FBLN7: variants seen among roughly 807,000 people sequenced by gnomAD.
FBLN7 encodes the protein fibulin-7.
In FBLN7, 31 loss-of-function variants were observed where a neutral mutation model predicts 44.0. The observed-to-expected ratio is 0.70, with a 90% CI of 0.53 to 0.95. The LOEUF (loss-of-function observed/expected upper bound fraction) is 0.95, where lower values mean the gene tolerates loss of function less well. Ranked by LOEUF, FBLN7 falls within the 40% of genes least tolerant of loss-of-function variation. The probability of loss-of-function intolerance (pLI) is 0.00; values close to 1 mark genes in which losing one functional copy is unlikely to be tolerated. For missense variants in FBLN7, 573 were observed against 618.5 expected (o/e 0.93, Z 0.78); for synonymous variants, 262 against 253.4 (o/e 1.03, Z -0.32).
intron 2 of FBLN7, among the ~76,000 whole-genome samples, chr2:112,160,716 G>GCACACGCACGCACACGCA (rs1558879769): frequency 1.1e-5 from 1 of 92,896 alleles, no homozygotes; most frequent in African/African-American, 4.4e-5. Context: ...ACACACACAA[G>GCACACGCACGCACACGCA]CACGCGCACA....
chr2:112,222,836 C>T, the FBLN7 span, among the ~76,000 whole-genome samples: 22 of 152,084 alleles, frequency 1.4e-4, no homozygotes, highest in Non-Finnish European at 2.9e-5. Context: ...AAAACATGAG[C>T]TCTGGTAATA....
the FBLN7 span, chr2:112,234,074 G>T: frequency 1.9e-6 from 2 of 1,074,466 alleles, no homozygotes; most frequent in South Asian, 1.6e-5. Flanking sequence ...CAAACAGAAA[G>T]AGCAGTTTTA....
chr2:112,191,198 C>CAA (rs1230018682), downstream of FBLN7, among the ~76,000 whole-genome samples: 1 of 151,962 alleles, frequency 6.6e-6, no homozygotes, highest in African/African-American at 2.4e-5. Context: ...ATTTTTGAGA[C>CAA]AGAGTCCAGC....
chr2:112,194,140 G>A, the FBLN7 span, among the ~76,000 whole-genome samples: 15 of 152,248 alleles, frequency 9.9e-5, no homozygotes, highest in East Asian at 2.9e-3. Context: ...TGTCTGCCTG[G>A]GCTGGGATGA....
chr2:112,146,524 C>T (rs1680905105), intron 1 of FBLN7, among the ~76,000 whole-genome samples: 1 of 149,442 alleles, frequency 6.7e-6, no homozygotes, highest in African/African-American at 2.4e-5. Context: ...TCAACACAAA[C>T]ATGCTGTGTG....
intron 3 of FBLN7, among the ~76,000 whole-genome samples, chr2:112,172,654 G>A (rs1341797429): frequency 2.1e-5 from 2 of 95,448 alleles, no homozygotes; most frequent in Non-Finnish European, 1.9e-5. Flanking sequence ...TTTTTTTTGA[G>A]ACAGAGTCTC....
the FBLN7 span, among the ~76,000 whole-genome samples, chr2:112,194,430 A>G: frequency 4.6e-5 from 7 of 152,180 alleles, no homozygotes; most frequent in African/African-American, 1.2e-4. Flanking sequence ...CAGACTCCCA[A>G]TAAAGCCACC....
intron 3 of FBLN7, among the ~76,000 whole-genome samples, chr2:112,170,957 C>G (rs1573810059): frequency 6.6e-6 from 1 of 152,216 alleles, no homozygotes; most frequent in African/African-American, 2.4e-5. Flanking sequence ...GAAATCAAGG[C>G]TCCCAGGCTC....
the FBLN7 span, among the ~76,000 whole-genome samples, chr2:112,233,070 A>AT: frequency 6.6e-6 from 1 of 152,128 alleles, no homozygotes; most frequent in African/African-American, 2.4e-5. Flanking sequence ...CATTTGAGAG[A>AT]TTTTCTAAAG....
chr2:112,149,963 G>T (rs1312508385), intron 1 of FBLN7, among the ~76,000 whole-genome samples: 1 of 152,226 alleles, frequency 6.6e-6, no homozygotes, highest in Non-Finnish European at 1.5e-5. Flanking sequence ...TCAGCGTGGG[G>T]CTGGGTGCCT....
At chr2:112,230,302 A>C in the FBLN7 span, among the ~76,000 whole-genome samples, 5 of 152,200 alleles carry the variant, frequency 3.3e-5, no homozygotes, top group Non-Finnish European at 7.4e-5. Context: ...TGAGAAAAAA[A>C]CTGATATTAT....
chr2:112,138,937 TGTCCCTCCCGCCTCTCTCCAGGCCAGC>T (rs1680496292), intron 1 of FBLN7, among the ~76,000 whole-genome samples: 6 of 119,452 alleles, frequency 5.0e-5, no homozygotes, highest in East Asian at 5.3e-4. Flanking sequence ...TCCACGCCAG[TGTCCCTCCCGCCTCTCTCCAGGCCAGC>T]GTCCCTCCCG....
chr2:112,148,200 T>C (rs761975404), intron 1 of FBLN7, among the ~76,000 whole-genome samples: 15 of 152,154 alleles, frequency 9.9e-5, no homozygotes, highest in African/African-American at 3.4e-4. Context: ...CCGATTCGGA[T>C]TGATTGCCTG....
chr2:112,202,091 T>A, the FBLN7 span, among the ~76,000 whole-genome samples: 451 of 152,340 alleles, frequency 3.0e-3, no homozygotes, highest in Non-Finnish European at 4.8e-3. Flanking sequence ...TTAAGACTTA[T>A]GGGAATGGTA....
chr2:112,157,983 G>GC (rs1021858338), intron 1 of FBLN7, among the ~76,000 whole-genome samples: 5 of 150,854 alleles, frequency 3.3e-5, no homozygotes, highest in East Asian at 2.0e-4. Flanking sequence ...TGCAGGCTCT[G>GC]CCCCCCGGGG....
chr2:112,229,206 T>A, the FBLN7 span, among the ~76,000 whole-genome samples: 1 of 152,090 alleles, frequency 6.6e-6, no homozygotes, highest in African/African-American at 2.4e-5. Flanking sequence ...GCAGTCTTTT[T>A]AATTAAATAA....
intron 1 of FBLN7, among the ~76,000 whole-genome samples, chr2:112,158,592 T>C (rs895980966): frequency 2.6e-5 from 4 of 152,072 alleles, no homozygotes; most frequent in African/African-American, 9.7e-5. Flanking sequence ...CCTGCCACCA[T>C]GCCCGGCTAA....
chr2:112,147,713 T>C (rs1359509699), intron 1 of FBLN7, among the ~76,000 whole-genome samples: 4 of 152,244 alleles, frequency 2.6e-5, no homozygotes, highest in Non-Finnish European at 5.9e-5. Context: ...CGAGATCACA[T>C]GTCTTCCTCT....
the FBLN7 span, among the ~76,000 whole-genome samples, chr2:112,204,478 C>T: frequency 6.6e-6 from 1 of 151,104 alleles, no homozygotes; most frequent in Non-Finnish European, 1.5e-5. Context: ...GAATTCCAAG[C>T]AGGATAAAGA....
Sources: allele counts gnomAD v4.1 joint callset (sites outside exome capture counted in the v4.1 genomes callset), GRCh38; gene constraint gnomAD v4.1.1; transcripts MANE v1.5; gene names NCBI Gene and HGNC (gene_info 2026-07-23, HGNC 2026-07-21).